GULP1: variants seen among roughly 807,000 people sequenced by gnomAD.
The protein encoded by GULP1 is PTB domain-containing engulfment adapter protein 1.
GULP1 carries 19 observed loss-of-function variants against 40.9 expected under a neutral mutation model. The observed-to-expected ratio is 0.46, with a 90% CI of 0.32 to 0.68. The LOEUF is 0.68. Among genes scored for constraint, GULP1 ranks in the 30% least tolerant of loss-of-function variants. The pLI, the probability that GULP1 is intolerant of heterozygous loss-of-function variation, is 0.03. For synonymous variants in GULP1, 119 were observed against 117.6 expected, an observed-to-expected ratio of 1.01 and a Z score of -0.08; for missense variants, 312 against 362.2, an observed-to-expected ratio of 0.86 and a Z score of 1.12.
intron 2 of GULP1, among the ~76,000 whole-genome samples, chr2:188,467,856 G>A (rs1209210980): frequency 1.3e-5 from 2 of 152,086 alleles, no homozygotes; most frequent in African/African-American, 4.8e-5. Context: ...ATTTCTCAGA[G>A]GCTGCCTGTC....
At chr2:188,368,445 G>A (rs1448127411) in intron 1 of GULP1, among the ~76,000 whole-genome samples, 6 of 152,056 alleles carry the variant, frequency 3.9e-5, no homozygotes, top group Non-Finnish European at 8.8e-5. Context: ...TCTGTATGTG[G>A]TGGCATGCGC....
intron 1 of GULP1, among the ~76,000 whole-genome samples, chr2:188,360,159 A>G (rs1427887845): frequency 6.6e-6 from 1 of 152,004 alleles, no homozygotes; most frequent in Non-Finnish European, 1.5e-5. Context: ...TGATGATTCT[A>G]CCTACTTCAT....
Position 188,405,113 on chromosome 2 carries a change from G to T in GULP1, c.-45+21224G>T, listed in dbSNP as rs954486171. ...CCCCATGGACCTAGGCTCCAGAACT[G>T]CTCCCATGCGAGGTTTCAGACTGGT... is the stretch of plus-strand genomic sequence containing the variant. On this transcript the variant is annotated intron_variant, in intron 2 of 11. Coordinates refer to ENST00000409830, the MANE Select transcript of GULP1 (RefSeq NM_016315.4). Among the ~76,000 whole-genome samples, 3 of 152,106 alleles carry T rather than the reference G, an allele frequency of 2.0e-5. No individual in the cohort carries two copies. The East Asian group carries it at 5.8e-4, about 29-fold the overall frequency.
chr2:188,444,240 CAT>C (rs1297934747), intron 2 of GULP1, among the ~76,000 whole-genome samples: 1 of 152,104 alleles, frequency 6.6e-6, no homozygotes, highest in East Asian at 1.9e-4. Flanking sequence ...TAGTTAATAA[CAT>C]ATTGTATTCT....
chr2:188,458,998 C>T (rs1249195801), intron 2 of GULP1, among the ~76,000 whole-genome samples: 1 of 152,092 alleles, frequency 6.6e-6, no homozygotes, highest in African/African-American at 2.4e-5. Context: ...CTTCCATTTC[C>T]ATCCATTTGT....
chr2:188,532,381 G>A (rs1687776995), intron 6 of GULP1, among the ~76,000 whole-genome samples: 2 of 152,216 alleles, frequency 1.3e-5, no homozygotes, highest in Non-Finnish European at 2.9e-5. Flanking sequence ...TGCATAAAAT[G>A]CTAATTGCTT....
At chr2:188,297,578 G>T (rs184508542) in intron 1 of GULP1, 2 of 427,770 alleles carry the variant, frequency 4.7e-6, no homozygotes, top group Admixed American at 7.2e-5. Context: ...TGAAGTTCCT[G>T]GGGGAACCAT....
intron 9 of GULP1, among the ~76,000 whole-genome samples, chr2:188,580,552 C>CAA (rs35794163): frequency 4.1e-4 from 50 of 121,318 alleles, no homozygotes; most frequent in African/African-American, 1.4e-3. Flanking sequence ...GACTCCGTCT[C>CAA]AAAAAAAAAA....
chr2:188,423,277 T>C (rs1308232229), intron 2 of GULP1, among the ~76,000 whole-genome samples: 1 of 152,084 alleles, frequency 6.6e-6, no homozygotes, highest in Non-Finnish European at 1.5e-5. Context: ...GAAATAGCTT[T>C]ATTTGTTGAA....
rs183818420 is a variant in GULP1, at chr2:188,312,389, C to T, written c.-172+20223C>T. 1.5e-4 allele frequency among the ~76,000 whole-genome samples: 23 copies of T among 152,234 alleles called. 1 individual carries two copies. The East Asian group carries it at 4.4e-3, about 29-fold the overall frequency. ...TTCAACTCCCACTTATAAATGAGAA[C>T]ATGTGGTATTTGGTTTTCTGTTTCT... On this transcript the variant is annotated intron_variant, in intron 1 of 11. Coordinates refer to ENST00000409830, the MANE Select transcript of GULP1 (RefSeq NM_016315.4).
intron 7 of GULP1, among the ~76,000 whole-genome samples, chr2:188,559,505 A>G (rs1695696116): frequency 6.6e-6 from 1 of 152,170 alleles, no homozygotes; most frequent in Admixed American, 6.5e-5. Flanking sequence ...GAGCCCCCAT[A>G]CAGAGTCCCC....
intron 4 of GULP1, among the ~76,000 whole-genome samples, chr2:188,494,382 A>AT (rs994331914): frequency 1.3e-5 from 2 of 151,918 alleles, no homozygotes; most frequent in African/African-American, 4.8e-5. Flanking sequence ...GAAACAGCGG[A>AT]TTTTTTCCCT....
intron 1 of GULP1, among the ~76,000 whole-genome samples, chr2:188,359,442 A>G (rs948885537): frequency 3.3e-5 from 5 of 152,122 alleles, no homozygotes; most frequent in African/African-American, 7.2e-5. Flanking sequence ...ACAAACTCAA[A>G]TATCTATCTA....
At chr2:188,414,796 A>G (rs879774184) in intron 2 of GULP1, among the ~76,000 whole-genome samples, 1 of 152,240 alleles carries the variant, frequency 6.6e-6, no homozygotes, top group Admixed American at 6.5e-5. Flanking sequence ...AATTACAGAA[A>G]GAGTTCTGGT....
intron 4 of GULP1, among the ~76,000 whole-genome samples, chr2:188,520,965 C>G (rs761798088): frequency 2.0e-5 from 3 of 152,064 alleles, no homozygotes; most frequent in Non-Finnish European, 2.9e-5. Flanking sequence ...TAAGAGATAG[C>G]ATGACTTTAC....
At chr2:188,475,509 T>C (rs193132049) in intron 2 of GULP1, among the ~76,000 whole-genome samples, 333 of 152,164 alleles carry the variant, frequency 2.2e-3, no homozygotes, top group Non-Finnish European at 4.0e-3. Flanking sequence ...AATCATATAG[T>C]ATTAAACTCC....
intron 7 of GULP1, among the ~76,000 whole-genome samples, chr2:188,564,999 GA>G (rs1697297533): frequency 6.6e-6 from 1 of 151,874 alleles, no homozygotes; most frequent in African/African-American, 2.4e-5. Flanking sequence ...AAATATATGG[GA>G]AAAAATTATG....
chr2:188,475,295 A>C (rs915411150), intron 2 of GULP1, among the ~76,000 whole-genome samples: 1 of 152,202 alleles, frequency 6.6e-6, no homozygotes, highest in Non-Finnish European at 1.5e-5. Flanking sequence ...TTTTGTGAGC[A>C]AGCAAAAGTG....
chr2:188,340,949 G>A lies in GULP1; in HGVS notation c.-171-42814G>A, dbSNP rs141433432. Among the ~76,000 whole-genome samples, 797 of 152,232 alleles carry A rather than the reference G, an allele frequency of 5.2e-3. 6 individuals carry two copies. Among genetic ancestry groups the A allele is most frequent in the African/African-American group, 0.018 (767 of 41,530 alleles). On this transcript the variant is annotated intron_variant, in intron 1 of 11. Coordinates refer to ENST00000409830, the MANE Select transcript of GULP1 (RefSeq NM_016315.4). Reference sequence around the variant, plus strand: ...ATCTGCTTCTCTCCGACATTCAGCTGTTTCTTCTTTTCTCCTCTTCTCTGC... The same window carrying A: ...ATCTGCTTCTCTCCGACATTCAGCTATTTCTTCTTTTCTCCTCTTCTCTGC...
Sources: allele counts gnomAD v4.1 joint callset (sites outside exome capture counted in the v4.1 genomes callset), GRCh38; gene constraint gnomAD v4.1.1; transcripts MANE v1.5; gene names NCBI Gene and HGNC (gene_info 2026-07-23, HGNC 2026-07-21).